Variants in PLCL1 observed in about 807,000 individuals in gnomAD.
PLCL1 encodes inactive phospholipase C-like protein 1.
In PLCL1, 41 loss-of-function variants were observed where a neutral mutation model predicts 84.4. The ratio of observed to expected loss-of-function variants is 0.49; its 90% CI spans 0.38 to 0.63. The LOEUF is 0.63. PLCL1 is among the 30% of genes least tolerant of loss of function. The pLI is 0.00. For synonymous variants in PLCL1, 490 were observed against 488.3 expected (o/e 1.00, Z -0.05); for missense variants, 1,206 against 1,367.8 (o/e 0.88, Z 1.87).
At chr2:197,981,380 T>G (rs1690101284) in intron 1 of PLCL1, among the ~76,000 whole-genome samples, 1 of 152,194 alleles carries the variant, frequency 6.6e-6, no homozygotes, top group Non-Finnish European at 1.5e-5. Flanking sequence ...AGCAAAATCA[T>G]AAAGATATAC....
At chr2:198,023,889 A>G (rs968192717) in intron 1 of PLCL1, among the ~76,000 whole-genome samples, 5 of 152,200 alleles carry the variant, frequency 3.3e-5, no homozygotes, top group African/African-American at 1.2e-4. Flanking sequence ...CAGCAATCCC[A>G]TTTCTGGGTA....
intron 1 of PLCL1, among the ~76,000 whole-genome samples, chr2:197,821,466 C>A (rs972041410): frequency 1.3e-5 from 2 of 152,160 alleles, no homozygotes; most frequent in Non-Finnish European, 2.9e-5. Flanking sequence ...CAGGTTATTA[C>A]AAATCAGGTA....
At chr2:197,924,179 G>GGGAGAGGGAGAT (rs1688789007) in intron 1 of PLCL1, among the ~76,000 whole-genome samples, 1 of 149,326 alleles carries the variant, frequency 6.7e-6, no homozygotes, top group African/African-American at 2.5e-5. Context: ...GAGAGGGAGA[G>GGGAGAGGGAGAT]GGAGAGGCCC....
chr2:198,081,056 A>G (rs1205421353), intron 1 of PLCL1, among the ~76,000 whole-genome samples: 1 of 152,188 alleles, frequency 6.6e-6, no homozygotes, highest in Non-Finnish European at 1.5e-5. Flanking sequence ...TTACAAATAA[A>G]CAGTGACTCA....
Position 198,147,671 on chromosome 2 carries a change from A to G in PLCL1, c.*709A>G, listed in dbSNP as rs1694558850. 6.6e-6 allele frequency: 1 copy of G among 152,256 alleles called. No homozygotes were observed. The highest frequency in any genetic ancestry group is 2.4e-5 in the African/African-American group (1 of 41,478). The allele number at this position is 152,256 out of a possible 1,614,324, so 9.4% of individuals were successfully genotyped here. On this transcript the variant is annotated 3_prime_UTR_variant, in exon 6 of 6. Transcript: ENST00000428675. Reference sequence around the variant, plus strand: ...TTTTCTGTAGTCATTTACTAAACATATGATTTCACTAGAAAAGCTGATCAT... The same window carrying G: ...TTTTCTGTAGTCATTTACTAAACATGTGATTTCACTAGAAAAGCTGATCAT...
chr2:197,835,979 A>G (rs1267944333), intron 1 of PLCL1, among the ~76,000 whole-genome samples: 1 of 151,944 alleles, frequency 6.6e-6, no homozygotes, highest in Non-Finnish European at 1.5e-5. Flanking sequence ...TTACAAATGA[A>G]TTTTTTTTCC....
intron 1 of PLCL1, among the ~76,000 whole-genome samples, chr2:197,954,910 A>G (rs1310408219): frequency 6.6e-6 from 1 of 152,086 alleles, no homozygotes; most frequent in Non-Finnish European, 1.5e-5. Context: ...AAACATTTAA[A>G]AAGTATTTTA....
chr2:198,075,105 G>A (rs138180181), intron 1 of PLCL1, among the ~76,000 whole-genome samples: 6 of 152,202 alleles, frequency 3.9e-5, no homozygotes, highest in African/African-American at 1.4e-4. Context: ...AGAGAACATC[G>A]AATTAATCCT....
At chr2:198,124,182 A>G (rs1693935255) in intron 5 of PLCL1, among the ~76,000 whole-genome samples, 1 of 152,060 alleles carries the variant, frequency 6.6e-6, no homozygotes, top group African/African-American at 2.4e-5. Context: ...TGGCCACATG[A>G]CTTGTTCTTT....
chr2:197,824,705 C>A (rs1690890917), intron 1 of PLCL1, among the ~76,000 whole-genome samples: 1 of 146,902 alleles, frequency 6.8e-6, no homozygotes, highest in East Asian at 2.0e-4. Flanking sequence ...CAGAGCGAGA[C>A]CCTGTCTCAA....
intron 1 of PLCL1, among the ~76,000 whole-genome samples, chr2:197,924,669 T>C (rs1688799726): frequency 6.6e-6 from 1 of 151,824 alleles, no homozygotes; most frequent in Admixed American, 6.6e-5. Context: ...CAGTTCACTG[T>C]TGAGCACTGT....
chr2:197,963,965 C>T (rs1284617778), intron 1 of PLCL1, among the ~76,000 whole-genome samples: 1 of 152,016 alleles, frequency 6.6e-6, no homozygotes. Flanking sequence ...GTTTTTAAAA[C>T]CAGAGTACCA....
chr2:198,063,524 T>A (rs1266585719), intron 1 of PLCL1, among the ~76,000 whole-genome samples: 1 of 152,182 alleles, frequency 6.6e-6, no homozygotes. Flanking sequence ...TTAATTTGAA[T>A]GCTTTGTCTG....
rs74265537 is a variant in PLCL1, at chr2:197,992,638, A to G, written c.241-91120A>G. Among the ~76,000 whole-genome samples the G allele has an allele frequency of 7.9e-5, 12 of 152,284 alleles. No homozygotes were observed. In the East Asian group the frequency reaches 2.3e-3, roughly 29 times the overall value. ...GTGTAGTGCAACCATCACACCACACATCTTCAGAACTTTTTCATTTCCCCA... is the reference window on the plus strand; with the variant it reads ...GTGTAGTGCAACCATCACACCACACGTCTTCAGAACTTTTTCATTTCCCCA... On this transcript the variant is annotated intron_variant, in intron 1 of 5. Coordinates refer to ENST00000428675, the MANE Select transcript of PLCL1 (RefSeq NM_006226.4).
intron 5 of PLCL1, among the ~76,000 whole-genome samples, chr2:198,145,922 A>T (rs774044130): frequency 6.6e-6 from 1 of 152,180 alleles, no homozygotes; most frequent in Non-Finnish European, 1.5e-5. Flanking sequence ...ATGAGAATGG[A>T]GAGGAGAGGG....
Position 198,085,418 on chromosome 2 carries a change from A to T in PLCL1, c.1901A>T (p.Tyr634Phe). 1.2e-6 allele frequency: 2 copies of T among 1,612,028 alleles called. No individual in the cohort carries two copies. The highest frequency in any genetic ancestry group is 1.3e-5 in the African/African-American group (1 of 75,010). Residue 634 changes from tyrosine (Y) to phenylalanine (F), a missense_variant, in exon 2 of 6, where the codon TAT (tyrosine) becomes TTT (phenylalanine). Transcript: ENST00000428675. This position sits in a 1 kb window ranked among gnomAD's most constrained non-coding sequence, Gnocchi z 5.3. ...ANEYPEDFVN[Y>F]NKKFLSRIYP... ...GAGTACCCAGAGGATTTTGTTAATTATAATAAGAAGTTCTTATCAAGAATC... is the reference window on the plus strand; with the variant it reads ...GAGTACCCAGAGGATTTTGTTAATTTTAATAAGAAGTTCTTATCAAGAATC...
intron 1 of PLCL1, among the ~76,000 whole-genome samples, chr2:197,946,088 G>A (rs780231319): frequency 3.9e-5 from 6 of 151,942 alleles, no homozygotes; most frequent in Non-Finnish European, 5.9e-5. Flanking sequence ...TTTCTTCAAC[G>A]TTAACACTAA....
chr2:198,089,396 G>A (rs1204163234), intron 3 of PLCL1, among the ~76,000 whole-genome samples: 2 of 152,302 alleles, frequency 1.3e-5, no homozygotes, highest in East Asian at 3.9e-4. Context: ...CCTATGGGAA[G>A]TAAACATGTC....
intron 1 of PLCL1, among the ~76,000 whole-genome samples, chr2:197,837,968 C>A (rs1329134669): frequency 6.6e-6 from 1 of 151,736 alleles, no homozygotes; most frequent in Non-Finnish European, 1.5e-5. Context: ...TTTCAAAGAA[C>A]AAATAGTCAT....
Sources: allele counts gnomAD v4.1 joint callset (sites outside exome capture counted in the v4.1 genomes callset), GRCh38; gene constraint gnomAD v4.1.1; non-coding constraint Gnocchi (gnomAD v3.1); transcripts MANE v1.5; gene names NCBI Gene and HGNC (gene_info 2026-07-23, HGNC 2026-07-21).